Variants in ANKRD42 observed in about 807,000 individuals in gnomAD.
ANKRD42 encodes ankyrin repeat domain-containing protein 42.
Under a neutral mutation model 51.5 loss-of-function variants are expected in ANKRD42, and 43 were observed. That is an observed-to-expected ratio of 0.83 (90% CI 0.65 to 1.08). ANKRD42 has a LOEUF of 1.08. ANKRD42 is among the 50% of genes least tolerant of loss of function. The pLI, the probability that ANKRD42 is intolerant of heterozygous loss-of-function variation, is 0.00. For missense variants in ANKRD42, 608 were observed against 629.3 expected (o/e 0.97, Z 0.36); for synonymous variants, 203 against 213.0 (o/e 0.95, Z 0.41).
intron 7 of ANKRD42, among the ~76,000 whole-genome samples, chr11:83,232,362 G>A (rs1863097822): frequency 6.6e-6 from 1 of 151,896 alleles, no homozygotes; most frequent in Admixed American, 6.6e-5. Context: ...TATTATAAAT[G>A]GGATTACTAT....
At chr11:83,209,396 A>G in intron 3 of ANKRD42, 2 of 1,567,236 alleles carry the variant, frequency 1.3e-6, no homozygotes, top group Non-Finnish European at 1.7e-6. Flanking sequence ...AAACCGAGCG[A>G]TCATGTCGCA....
At chr11:83,248,997 C>G (rs1863625839), downstream of ANKRD42, 4 of 982,776 alleles carry the variant, frequency 4.1e-6, no homozygotes, top group South Asian at 1.9e-4. Context: ...TTTTGCAACC[C>G]TCTTCTTGTA....
intron 2 of ANKRD42, among the ~76,000 whole-genome samples, chr11:83,203,858 CT>C (rs1861964441): frequency 6.6e-6 from 1 of 152,112 alleles, no homozygotes; most frequent in African/African-American, 2.4e-5. Flanking sequence ...CAGATGAAAT[CT>C]GCTATTGAGC....
intron 2 of ANKRD42, among the ~76,000 whole-genome samples, chr11:83,199,449 A>T (rs1264705949): frequency 6.6e-6 from 1 of 152,132 alleles, no homozygotes; most frequent in East Asian, 1.9e-4. Flanking sequence ...ATATGGTTAC[A>T]TATATGTACT....
chr11:83,229,542 T>C (rs942312991), intron 7 of ANKRD42, among the ~76,000 whole-genome samples: 4 of 152,204 alleles, frequency 2.6e-5, no homozygotes, highest in African/African-American at 4.8e-5. Context: ...TTAAGTTTCA[T>C]TGATGGCTAG....
rs556210747 is a variant in ANKRD42 at position 83,202,565 on chromosome 11, A to G, written c.223-3493A>G. ...GCTTGATGGGAATAGCATTGAATCT[A>G]TAAATTACTTTGGGCAGTATGCACA... is the stretch of plus-strand genomic sequence containing the variant. On this transcript the variant is annotated intron_variant, in intron 2 of 10. Coordinates refer to ENST00000533342, the MANE Select transcript of ANKRD42 (RefSeq NM_001300975.2). Among the ~76,000 whole-genome samples the G allele has an allele frequency of 8.3e-4, 126 of 152,294 alleles. 1 individual carries two copies. The South Asian group carries it at 0.014, about 17-fold the overall frequency.
At chr11:83,233,670 ATTTTGTTTTG>A (rs758873670) in intron 7 of ANKRD42, among the ~76,000 whole-genome samples, 9 of 151,486 alleles carry the variant, frequency 5.9e-5, no homozygotes, top group East Asian at 3.9e-4. Context: ...GCATCATTAG[ATTTTGTTTTG>A]TTTTGTTTTG....
At chr11:83,246,041 C>T (rs140632802) in intron 10 of ANKRD42, among the ~76,000 whole-genome samples, 1 of 152,272 alleles carries the variant, frequency 6.6e-6, no homozygotes, top group East Asian at 1.9e-4. Context: ...AGGCAGTGAG[C>T]AAGTGCATGG....
downstream of ANKRD42, among the ~76,000 whole-genome samples, chr11:83,249,462 A>AG (rs1166879690): frequency 6.6e-6 from 1 of 152,122 alleles, no homozygotes; most frequent in Non-Finnish European, 1.5e-5. Context: ...TCAGCTGCCT[A>AG]GGTGGGACAA....
At chr11:83,219,480 A>G (rs1042198575) in intron 5 of ANKRD42, among the ~76,000 whole-genome samples, 1 of 152,208 alleles carries the variant, frequency 6.6e-6, no homozygotes, top group Non-Finnish European at 1.5e-5. Context: ...CAGGAGGCGT[A>G]TAGTAAGTTT....
At position 83,225,029 on chromosome 11, in the gene ANKRD42, A is replaced by T; in HGVS notation, c.761A>T (p.Glu254Val). The T allele has an allele frequency of 1.9e-6, 3 of 1,612,906 alleles. No homozygotes were observed. Among genetic ancestry groups the T allele is most frequent in the Non-Finnish European group, 2.5e-6 (3 of 1,179,188 alleles). ...CAGTTTATCCAGGGGGCTGAGTATG[A>T]AGGAAAAGACCTAGAGGATCAGGAA... ...ILQFIQGAEY[E>V]GKDLEDQETL... The change falls in exon 6 of 11, where the codon GAA (glutamate) becomes GTA (valine). Residue 254 changes from glutamate to valine, a missense_variant. Glu to Val is a moderately radical substitution (Grantham distance 121). Transcript: ENST00000533342.
At chr11:83,261,609 G>C (rs1376633725), downstream of ANKRD42, 1 of 209,440 alleles carries the variant, frequency 4.8e-6, no homozygotes, top group Admixed American at 5.9e-5. Flanking sequence ...AACTGTTCAA[G>C]CAAACATAAG....
chr11:83,244,024 C>T (rs1863472005), intron 9 of ANKRD42, among the ~76,000 whole-genome samples: 1 of 124,110 alleles, frequency 8.1e-6, no homozygotes, highest in South Asian at 2.7e-4. Context: ...CTCTGTTGCC[C>T]AGGCTGGAAT....
At chr11:83,217,947 G>A (rs1057111388) in intron 5 of ANKRD42, among the ~76,000 whole-genome samples, 1 of 152,148 alleles carries the variant, frequency 6.6e-6, no homozygotes, top group Admixed American at 6.5e-5. Flanking sequence ...CTTGGTCCCT[G>A]TTACAGAACA....
intron 7 of ANKRD42, among the ~76,000 whole-genome samples, chr11:83,233,638 C>T (rs549206893): frequency 6.6e-6 from 1 of 152,046 alleles, no homozygotes; most frequent in Admixed American, 6.6e-5. Flanking sequence ...ATTTGGCTTG[C>T]TCTTGGTTTT....
rs762179346 is a variant in ANKRD42, at chr11:83,210,290, C to T, written c.331-10C>T. The T allele has an allele frequency of 6.2e-7, 1 of 1,612,544 alleles. No individual in the cohort carries two copies. Among genetic ancestry groups the T allele is most frequent in the Admixed American group, 1.7e-5 (1 of 59,986 alleles). Reference sequence around the variant, plus strand: ...CTCATGTAAAGTCTTTCCTATTTCTCTATTTTTAGGCTCTTATAATGAATG... The same window carrying T: ...CTCATGTAAAGTCTTTCCTATTTCTTTATTTTTAGGCTCTTATAATGAATG... On this transcript the variant is annotated splice_polypyrimidine_tract_variant and intron_variant, in intron 3 of 10. Transcript: ENST00000533342.
At chr11:83,205,399 A>G (rs1027727783) in intron 2 of ANKRD42, among the ~76,000 whole-genome samples, 2 of 152,242 alleles carry the variant, frequency 1.3e-5, no homozygotes, top group Admixed American at 1.3e-4. Context: ...TATGACTTCT[A>G]TGACAGTGTA....
At chr11:83,237,061 C>T (rs559844123) in intron 8 of ANKRD42, among the ~76,000 whole-genome samples, 24 of 152,110 alleles carry the variant, frequency 1.6e-4, no homozygotes, top group Non-Finnish European at 3.1e-4. Context: ...TCTATTTGTT[C>T]GTTTGGTTGT....
At chr11:83,219,710 T>G (rs561732889) in intron 5 of ANKRD42, among the ~76,000 whole-genome samples, 14 of 152,234 alleles carry the variant, frequency 9.2e-5, no homozygotes, top group Non-Finnish European at 1.9e-4. Flanking sequence ...CACCACAGAT[T>G]GTACTTGAGA....
Sources: gnomAD v4.1 joint callset for allele counts (sites outside exome capture counted in the v4.1 genomes callset) on GRCh38, gnomAD v4.1.1 for gene constraint, MANE v1.5 for transcripts, NCBI Gene and HGNC (gene_info 2026-07-23, HGNC 2026-07-21) for gene names.